FRMD4B: variants seen among roughly 807,000 people sequenced by gnomAD.
FRMD4B encodes FERM domain-containing protein 4B.
Under a neutral mutation model 141.5 loss-of-function variants are expected in FRMD4B, and 74 were observed. The ratio of observed to expected loss-of-function variants is 0.52; its 90% CI spans 0.43 to 0.63. The LOEUF is 0.63. Among genes scored for constraint, FRMD4B ranks in the 30% least tolerant of loss-of-function variants. The pLI is 0.00. For missense variants in FRMD4B, 1,366 were observed against 1,253.4 expected (o/e 1.09, Z -1.36); for synonymous variants, 506 against 467.9 (o/e 1.08, Z -1.05).
chr3:69,199,167 G>A (rs1004068886), intron 11 of FRMD4B: 6 of 172,318 alleles, frequency 3.5e-5, no homozygotes, highest in African/African-American at 1.4e-4. Context: ...AGCTACTCGG[G>A]AGGCTGAGGC....
At chr3:69,317,956 C>T (rs1412596211) in intron 1 of FRMD4B, among the ~76,000 whole-genome samples, 1 of 151,758 alleles carries the variant, frequency 6.6e-6, no homozygotes, top group Non-Finnish European at 1.5e-5. Context: ...CTCTCTTAAG[C>T]TAAGAGGGAG....
At chr3:69,508,193 A>G (rs1706630526) in intron 1 of FRMD4B, among the ~76,000 whole-genome samples, 1 of 152,154 alleles carries the variant, frequency 6.6e-6, no homozygotes, top group South Asian at 2.1e-4. Context: ...CCTGAATGGC[A>G]AAAAATAACA....
chr3:69,213,082 T>G (rs895729603), intron 11 of FRMD4B, among the ~76,000 whole-genome samples: 2 of 152,198 alleles, frequency 1.3e-5, no homozygotes, highest in African/African-American at 4.8e-5. Context: ...TTCCACATCA[T>G]GAAGCACTAG....
intron 1 of FRMD4B, among the ~76,000 whole-genome samples, chr3:69,337,209 G>C (rs1311832895): frequency 6.6e-6 from 1 of 152,096 alleles, no homozygotes; most frequent in Non-Finnish European, 1.5e-5. Context: ...ATGGGGAAAG[G>C]ATTCCCTATT....
At position 69,302,384 on chromosome 3, in the gene FRMD4B, C is replaced by A; in HGVS notation, c.375G>T (p.Leu125Phe). 1 of 1,609,762 alleles carries A rather than the reference C, an allele frequency of 6.2e-7. No homozygotes were observed. The highest frequency in any genetic ancestry group is 1.1e-5 in the South Asian group (1 of 90,080). The change falls in exon 4 of 23, where the codon TTG (leucine) becomes TTT (phenylalanine). Residue 125 changes from leucine (L) to phenylalanine (F), a missense_variant. Transcript: ENST00000398540. The part of the protein sequence containing the change: ...QLDHRVLDHD[L>F]PKKPGPTILH... ...AAATGGTTGGGCCTGGTTTCTTGGGCAAATCGTGGTCAAGAACTCGGTGAT... is the reference window on the plus strand; with the variant it reads ...AAATGGTTGGGCCTGGTTTCTTGGGAAAATCGTGGTCAAGAACTCGGTGAT...
chr3:69,383,226 G>C (rs183484759), intron 1 of FRMD4B, among the ~76,000 whole-genome samples: 1 of 152,240 alleles, frequency 6.6e-6, no homozygotes, highest in African/African-American at 2.4e-5. Context: ...TATTTAACTT[G>C]CAGTTACTGT....
intron 11 of FRMD4B, among the ~76,000 whole-genome samples, chr3:69,203,650 C>G (rs2092994795): frequency 1.3e-5 from 2 of 152,168 alleles, no homozygotes; most frequent in Admixed American, 1.3e-4. Context: ...TTTCCTGAAT[C>G]TCAGTGTCTG....
intron 21 of FRMD4B, among the ~76,000 whole-genome samples, chr3:69,178,589 G>A (rs147831204): frequency 2.6e-5 from 4 of 151,596 alleles, no homozygotes; most frequent in East Asian, 1.9e-4. Context: ...GGAGGATCGC[G>A]TTGAGCCAAG....
intron 5 of FRMD4B, among the ~76,000 whole-genome samples, chr3:69,256,497 T>G (rs938252855): frequency 1.3e-5 from 2 of 152,166 alleles, no homozygotes; most frequent in African/African-American, 4.8e-5. Context: ...TTTTCGTATT[T>G]TTAGTAGAGA....
intron 3 of FRMD4B, among the ~76,000 whole-genome samples, chr3:69,310,849 T>C (rs1226148527): frequency 6.6e-6 from 1 of 152,068 alleles, no homozygotes; most frequent in Non-Finnish European, 1.5e-5. Flanking sequence ...TATATACATG[T>C]TTTTTAGTGG....
upstream of FRMD4B, among the ~76,000 whole-genome samples, chr3:69,388,842 GT>G (rs1704323272): frequency 6.6e-6 from 1 of 152,124 alleles, no homozygotes; most frequent in Non-Finnish European, 1.5e-5. Context: ...TAAAATGTGG[GT>G]TTTTAAAATG....
intron 1 of FRMD4B, among the ~76,000 whole-genome samples, chr3:69,463,967 G>A (rs1477716703): frequency 6.6e-6 from 1 of 152,188 alleles, no homozygotes. Flanking sequence ...GCAGGTTGCT[G>A]AAACACTACC....
chr3:69,536,163 G>A, intron 1 of FRMD4B: 1 of 530,948 alleles, frequency 1.9e-6, no homozygotes, highest in Non-Finnish European at 3.5e-6. Flanking sequence ...ACCTCTGCTG[G>A]CCTCTTCGCT....
chr3:69,239,662 T>G (rs562756217), intron 7 of FRMD4B, among the ~76,000 whole-genome samples: 1 of 152,300 alleles, frequency 6.6e-6, no homozygotes, highest in Admixed American at 6.5e-5. Context: ...GAAAGTAGAA[T>G]GGTGGTGGCC....
At chr3:69,212,504 A>C (rs2093096660) in intron 11 of FRMD4B, among the ~76,000 whole-genome samples, 1 of 152,088 alleles carries the variant, frequency 6.6e-6, no homozygotes. Context: ...CCAAAAAAGG[A>C]AGTAGCTTCT....
intron 1 of FRMD4B, among the ~76,000 whole-genome samples, chr3:69,436,515 C>T (rs1311922020): frequency 1.3e-5 from 2 of 152,174 alleles, no homozygotes; most frequent in Non-Finnish European, 2.9e-5. Context: ...GGTGCAGCCA[C>T]TATGAAAAGC....
At position 69,195,321 on chromosome 3, in the gene FRMD4B, T is replaced by C; in HGVS notation, c.1278A>G (p.Lys426=). ...TCTCCTTCTTCTTTAGTTCAAGGAT[T>C]TTTTCTCTCTTTTGCTCTTCACTAA... The part of the protein sequence containing the change: ...SEVSEEQKRE[K]ILELKKKEKL... Residue 426 remains lysine (K), a synonymous_variant, in exon 15 of 23, where the codon AAA becomes AAG. Coordinates refer to ENST00000398540, the MANE Select transcript of FRMD4B (RefSeq NM_015123.3). 1.2e-6 allele frequency: 2 copies of C among 1,613,250 alleles called. No individual in the cohort carries two copies. The highest frequency in any genetic ancestry group is 1.3e-5 in the African/African-American group (1 of 74,944).
chr3:69,202,135 G>A (rs368309886), intron 11 of FRMD4B, among the ~76,000 whole-genome samples: 3 of 152,090 alleles, frequency 2.0e-5, no homozygotes, highest in East Asian at 1.9e-4. Context: ...CCAGGTAGGC[G>A]GAGGTTGCAG....
intron 1 of FRMD4B, among the ~76,000 whole-genome samples, chr3:69,530,436 T>C (rs1474014865): frequency 6.6e-6 from 1 of 152,120 alleles, no homozygotes; most frequent in African/African-American, 2.4e-5. Flanking sequence ...CATCATGTAA[T>C]CTCTGCACAC....
Sources: gnomAD v4.1 joint callset for allele counts (sites outside exome capture counted in the v4.1 genomes callset) on GRCh38, gnomAD v4.1.1 for gene constraint, MANE v1.5 for transcripts, NCBI Gene and HGNC (gene_info 2026-07-23, HGNC 2026-07-21) for gene names.